PVT1: variants seen among roughly 807,000 people sequenced by gnomAD.
The protein encoded by PVT1 is CXCR4/PVT1 fusion.
At chr8:127,806,019 C>T (rs950106142) in intron 2 of PVT1, among the ~76,000 whole-genome samples, 1 of 152,022 alleles carries the variant, frequency 6.6e-6, no homozygotes, top group African/African-American at 2.4e-5. Flanking sequence ...AAGCCAAATA[C>T]AAGACTTAGA....
chr8:127,881,014 T>G (rs1278258705), intron 2 of PVT1, among the ~76,000 whole-genome samples: 2 of 152,222 alleles, frequency 1.3e-5, no homozygotes, highest in African/African-American at 2.4e-5. Flanking sequence ...CTCTAAGCAA[T>G]GTACCTTGCA....
chr8:128,001,642 C>A (rs1817178294), intron 4 of PVT1, among the ~76,000 whole-genome samples: 1 of 152,148 alleles, frequency 6.6e-6, no homozygotes, highest in African/African-American at 2.4e-5. Context: ...CATGATTTCC[C>A]CTTTGCTCCC....
At chr8:127,931,564 A>T (rs1816206503) in intron 3 of PVT1, among the ~76,000 whole-genome samples, 1 of 152,230 alleles carries the variant, frequency 6.6e-6, no homozygotes, top group Non-Finnish European at 1.5e-5. Flanking sequence ...TAGACAAGGC[A>T]ACTGAGGCAC....
At chr8:128,071,693 A>AATAAATAAATAAATAC (rs1207644305) in intron 5 of PVT1, among the ~76,000 whole-genome samples, 2 of 149,460 alleles carry the variant, frequency 1.3e-5, no homozygotes, top group South Asian at 4.2e-4. Flanking sequence ...CTCTAAAATA[A>AATAAATAAATAAATAC]ATAAATAAAT....
chr8:128,047,385 C>T (rs751218002), intron 4 of PVT1, among the ~76,000 whole-genome samples: 1 of 152,182 alleles, frequency 6.6e-6, no homozygotes, highest in Admixed American at 6.5e-5. Context: ...TCTTGGCCAC[C>T]AGAATGGAAA....
intron 2 of PVT1, among the ~76,000 whole-genome samples, chr8:127,870,935 C>CA (rs1815344935): frequency 6.6e-6 from 1 of 152,202 alleles, no homozygotes; most frequent in African/African-American, 2.4e-5. Context: ...AACTCTGTGA[C>CA]GGCCACAGTC....
In PVT1 at chr8:127,980,636, A is replaced by C. The variant is rs1816872485; in HGVS notation, n.783-8526A>C. Among the ~76,000 whole-genome samples, 4 of 151,500 alleles carry C rather than the reference A, an allele frequency of 2.6e-5. No homozygotes were observed. The South Asian group carries it at 8.4e-4, about 32-fold the overall frequency. ...TTCACTTACCTTCATTGACGTTTGAACTCCCAGGAGCCTGGAACTTCCCCA... is the reference window on the plus strand; with the variant it reads ...TTCACTTACCTTCATTGACGTTTGACCTCCCAGGAGCCTGGAACTTCCCCA... On this transcript the variant is annotated intron_variant and non_coding_transcript_variant, in intron 3 of 10. Transcript: ENST00000651587.
chr8:127,984,863 T>C (rs988523233), intron 3 of PVT1, among the ~76,000 whole-genome samples: 12 of 66,424 alleles, frequency 1.8e-4, no homozygotes, highest in South Asian at 7.0e-4. Flanking sequence ...CTTTCTTTCT[T>C]TCTTTCTTTC....
chr8:128,003,608 C>A (rs569943635), intron 4 of PVT1, among the ~76,000 whole-genome samples: 1,690 of 152,328 alleles, frequency 0.011, 14 homozygotes, highest in Non-Finnish European at 0.019. Flanking sequence ...ACTGGGATTA[C>A]GGGTGTGCGC....
intron 3 of PVT1, chr8:127,940,389 G>A (rs1586446420): frequency 2.0e-5 from 3 of 152,128 alleles, no homozygotes; most frequent in Non-Finnish European, 4.4e-5. Context: ...GAACGGCAGG[G>A]CCAGAGGTCC....
intron 3 of PVT1, chr8:127,947,405 G>A (rs779087216): frequency 1.5e-4 from 38 of 247,138 alleles, no homozygotes; most frequent in Middle Eastern, 1.5e-3. Flanking sequence ...CCACGAACAA[G>A]CCGTTGAAAG....
intron 2 of PVT1, among the ~76,000 whole-genome samples, chr8:127,820,345 T>C (rs1212761908): frequency 2.0e-5 from 3 of 152,172 alleles, no homozygotes; most frequent in Non-Finnish European, 4.4e-5. Context: ...ATGGTTTTCA[T>C]TGTTGGAGTA....
intron 4 of PVT1, among the ~76,000 whole-genome samples, chr8:128,066,321 TTCTC>T (rs1563679151): frequency 6.6e-6 from 1 of 152,232 alleles, no homozygotes; most frequent in Non-Finnish European, 1.5e-5. Context: ...CCAGAGGTCA[TTCTC>T]TCTTCTGGCC....
intron 2 of PVT1, among the ~76,000 whole-genome samples, chr8:127,876,083 G>A (rs1815402165): frequency 1.3e-5 from 2 of 152,176 alleles, no homozygotes; most frequent in South Asian, 4.1e-4. Context: ...TTGGGCCTCC[G>A]GATCTGCATT....
At chr8:127,984,244 G>A (rs1355505037) in intron 3 of PVT1, 1 of 152,158 alleles carries the variant, frequency 6.6e-6, no homozygotes. Flanking sequence ...TTTGGGTTGA[G>A]ACTGTTATTT....
rs1362812391 is a variant in PVT1 at position 127,984,977 on chromosome 8, T to C, written n.783-4185T>C. Among the ~76,000 whole-genome samples the C allele has an allele frequency of 3.7e-5, 5 of 136,662 alleles. 1 individual carries two copies. The highest frequency in any genetic ancestry group is 1.6e-4 in the African/African-American group (5 of 31,260). 89.7% of individuals were successfully genotyped at this position (136,662 alleles called of 152,430 possible). A position where few individuals can be genotyped will look rare whatever the true frequency, so the allele number is the denominator to read the frequency against. On this transcript the variant is annotated intron_variant and non_coding_transcript_variant, in intron 3 of 10. Coordinates refer to ENST00000651587, the Ensembl canonical transcript of PVT1. The stretch of plus-strand genomic sequence containing the variant: ...CTTCCTTCCTTCCTCCCTCCTTCCT[T>C]CCTTTCTTTCTTTCTCTTTCCTTCC...
chr8:128,078,626 T>C (rs769955857), intron 5 of PVT1, among the ~76,000 whole-genome samples: 1 of 152,212 alleles, frequency 6.6e-6, no homozygotes, highest in Non-Finnish European at 1.5e-5. Context: ...TCCCCCTAAC[T>C]GTAGGAATCG....
intron 2 of PVT1, among the ~76,000 whole-genome samples, chr8:127,797,284 G>A (rs1394396053): frequency 6.6e-6 from 1 of 152,034 alleles, no homozygotes; most frequent in African/African-American, 2.4e-5. Context: ...TGCCCTCCTC[G>A]GCCTCCCAAA....
intron 3 of PVT1, among the ~76,000 whole-genome samples, chr8:127,916,214 C>T (rs935979177): frequency 6.6e-6 from 1 of 152,166 alleles, no homozygotes; most frequent in Non-Finnish European, 1.5e-5. Flanking sequence ...GAGGATTAAA[C>T]ACACCATGTA....
Sources: gnomAD v4.1 joint callset for allele counts (sites outside exome capture counted in the v4.1 genomes callset) on GRCh38, gnomAD v4.1.1 for gene constraint, MANE v1.5 for transcripts, NCBI Gene and HGNC (gene_info 2026-07-23, HGNC 2026-07-21) for gene names.